The following CATSPER3 variants were observed in gnomAD, a reference collection of about 807,000 sequenced individuals.
The protein encoded by CATSPER3 is cation channel sperm-associated protein 3.
In CATSPER3, 23 loss-of-function variants were observed where a neutral mutation model predicts 36.6. The ratio of observed to expected loss-of-function variants is 0.63; its 90% confidence interval spans 0.45 to 0.89. CATSPER3 has a LOEUF of 0.89. Ranked by LOEUF, CATSPER3 falls within the 40% of genes least tolerant of loss-of-function variation. The pLI is 0.00. For missense variants in CATSPER3, 474 were observed against 503.9 expected, an observed-to-expected ratio of 0.94 and a Z score of 0.57; for synonymous variants, 172 against 184.1, an observed-to-expected ratio of 0.93 and a Z score of 0.53.
In CATSPER3 at chr5:134,990,549, AT is replaced by A. The variant is rs1212973369; in HGVS notation, c.253-5720del. On this transcript the variant is annotated intron_variant, in intron 2 of 7. Transcript: ENST00000282611. ...GCTTAGTAATTTCAGTGCCCAAGAT[AT>A]TTTCCTTTCACAATAGTAACATCAA... 4.6e-5 allele frequency among the ~76,000 whole-genome samples: 7 copies of A among 152,280 alleles called. No homozygotes were observed. The East Asian group carries it at 1.4e-3, about 29-fold the overall frequency.
intron 2 of CATSPER3, among the ~76,000 whole-genome samples, chr5:134,973,261 T>C (rs1382680349): frequency 6.6e-6 from 1 of 152,192 alleles, no homozygotes; most frequent in Non-Finnish European, 1.5e-5. Flanking sequence ...ATATAGTATA[T>C]AATGAATGCA....
At chr5:134,986,363 C>T (rs1042931381) in intron 2 of CATSPER3, among the ~76,000 whole-genome samples, 7 of 151,646 alleles carry the variant, frequency 4.6e-5, no homozygotes, top group Admixed American at 2.6e-4. Context: ...AGGCTGGTCT[C>T]GAACTCCTGA....
At chr5:134,970,219 G>T in intron 2 of CATSPER3, 127 bp downstream of exon 2, 1 of 893,314 alleles carries the variant, frequency 1.1e-6, no homozygotes, top group South Asian at 1.4e-5. Context: ...GCAGTGGCGT[G>T]ATCTCAGCTC....
intron 3 of CATSPER3, among the ~76,000 whole-genome samples, chr5:135,003,047 A>G (rs1176385415): frequency 6.6e-6 from 1 of 152,078 alleles, no homozygotes; most frequent in Non-Finnish European, 1.5e-5. Flanking sequence ...TAGAATTTTC[A>G]GTTTTTCTGC....
chr5:134,969,872 G>T, intron 1 of CATSPER3, 67 bp from the exon 2 acceptor site: 3 of 1,510,702 alleles, frequency 2.0e-6, no homozygotes, highest in Admixed American at 1.7e-5. Flanking sequence ...CTACAAAAAG[G>T]TATGCATTTT....
chr5:134,970,722 C>T (rs566884750), intron 2 of CATSPER3, among the ~76,000 whole-genome samples: 9 of 151,868 alleles, frequency 5.9e-5, no homozygotes, highest in Non-Finnish European at 1.3e-4. Flanking sequence ...CAGGCACACA[C>T]CATCATGCTT....
At chr5:134,969,031 A>T (rs901693559) in intron 1 of CATSPER3, 2 of 152,342 alleles carry the variant, frequency 1.3e-5, no homozygotes, top group East Asian at 1.9e-4. Context: ...TGGATCATAA[A>T]CATTTTTCTA....
chr5:134,997,334 A>G (rs1751962587), intron 3 of CATSPER3, among the ~76,000 whole-genome samples: 1 of 152,210 alleles, frequency 6.6e-6, no homozygotes, highest in Non-Finnish European at 1.5e-5. Flanking sequence ...CCCCTGCTGC[A>G]TACACACCTT....
Position 135,009,372 on chromosome 5 carries a change from A to G in CATSPER3, c.818A>G (p.Asp273Gly), listed in dbSNP as rs72800379. ...FVGVMIMHTE[D>G]SIRKFERELM... ...GACCTCCATCGTCTGACTCTCTAGG[A>G]CTCCATCAGAAAGTTTGAGCGAGAG... is the stretch of plus-strand genomic sequence containing the variant. The change falls in exon 6 of 8, where the codon GAC becomes GGC. Residue 273 changes from aspartate to glycine, a missense_variant and splice_region_variant. Physicochemically the swap from Asp to Gly is moderately conservative, Grantham distance 94. Transcript: ENST00000282611. 3,485 of 1,613,114 alleles carry G rather than the reference A, an allele frequency of 2.2e-3. 5 individuals carry two copies. The highest frequency in any genetic ancestry group is 2.7e-3 in the Non-Finnish European group (3,145 of 1,179,510).
chr5:135,001,387 C>T (rs563228932), intron 3 of CATSPER3, among the ~76,000 whole-genome samples: 46 of 152,196 alleles, frequency 3.0e-4, no homozygotes, highest in Non-Finnish European at 5.1e-4. Flanking sequence ...GGAATAAGTG[C>T]GATGTGTTGC....
At chr5:134,969,813 A>T (rs2149544367) in intron 1 of CATSPER3, 126 bp from the exon 2 acceptor site, 2 of 954,420 alleles carry the variant, frequency 2.1e-6, no homozygotes, top group East Asian at 4.8e-5. Flanking sequence ...GCTATTTAAA[A>T]GTATATGTAA....
chr5:134,996,875 C>T (rs968988229), intron 3 of CATSPER3, among the ~76,000 whole-genome samples: 5 of 152,206 alleles, frequency 3.3e-5, no homozygotes, highest in African/African-American at 9.7e-5. Flanking sequence ...ATGCCCAGGA[C>T]GCCTTGGCTT....
At chr5:135,009,237 G>A (rs919434980) in intron 5 of CATSPER3, 134 bp from the exon 6 acceptor site, 3 of 1,041,248 alleles carry the variant, frequency 2.9e-6, no homozygotes, top group Admixed American at 3.4e-5. Flanking sequence ...CAGCTTGAGT[G>A]GCGGCTGGCC....
At chr5:135,010,119 G>T (rs1256137227) in intron 6 of CATSPER3, among the ~76,000 whole-genome samples, 1 of 152,156 alleles carries the variant, frequency 6.6e-6, no homozygotes, top group African/African-American at 2.4e-5. Context: ...CGTGCCCAAG[G>T]TTCGTCCAGG....
chr5:135,005,030 GC>G (rs1752067835), intron 3 of CATSPER3, among the ~76,000 whole-genome samples: 1 of 152,248 alleles, frequency 6.6e-6, no homozygotes, highest in African/African-American at 2.4e-5. Flanking sequence ...AGGGCAGGGG[GC>G]TGAGGAAAAG....
intron 3 of CATSPER3, among the ~76,000 whole-genome samples, chr5:135,003,864 G>A (rs1752051301): frequency 1.3e-5 from 2 of 152,314 alleles, no homozygotes; most frequent in South Asian, 4.1e-4. Flanking sequence ...AGCTTCCCTT[G>A]GCTAGCAAAG....
chr5:135,008,329 C>T (rs1455509616), intron 4 of CATSPER3, among the ~76,000 whole-genome samples, 190 bp downstream of exon 4: 1 of 152,164 alleles, frequency 6.6e-6, no homozygotes, highest in African/African-American at 2.4e-5. Flanking sequence ...ATCGCTGTCT[C>T]TAGGCCTGTG....
At chr5:135,008,766 T>C in intron 4 of CATSPER3, 75 bp from the exon 5 acceptor site, 1 of 1,346,418 alleles carries the variant, frequency 7.4e-7, no homozygotes, top group Non-Finnish European at 1.1e-6. Flanking sequence ...GGCCTGGGAC[T>C]CCTCTAGCAT....
chr5:134,994,944 TTCCTTTCTTTCTTCCTTCCTCTCTGCC>T (rs1217528921), intron 2 of CATSPER3, among the ~76,000 whole-genome samples: 2 of 149,868 alleles, frequency 1.3e-5, no homozygotes, highest in Admixed American at 6.6e-5. Flanking sequence ...CCTCCCTTCC[TTCCTTTCTTTCTTCCTTCCTCTCTGCC>T]TCCTTTCTTT....
Sources: allele counts gnomAD v4.1 joint callset (sites outside exome capture counted in the v4.1 genomes callset), GRCh38; gene constraint gnomAD v4.1.1; transcripts MANE v1.5; gene names NCBI Gene and HGNC (gene_info 2026-07-23, HGNC 2026-07-21).